The following MAPK10 variants were observed in gnomAD, a reference collection of about 807,000 sequenced individuals.
MAPK10 encodes the protein mitogen-activated protein kinase 10.
A neutral mutation model predicts 59.3 loss-of-function variants in MAPK10; 25 were observed. The ratio of observed to expected loss-of-function variants is 0.42; its 90% CI spans 0.31 to 0.59. The LOEUF is 0.59. MAPK10 is among the 20% of genes least tolerant of loss of function. The pLI, the probability that MAPK10 is intolerant of heterozygous loss-of-function variation, is 0.15. For missense variants in MAPK10, 351 were observed against 568.9 expected (o/e 0.62, Z 3.90); for synonymous variants, 190 against 200.5 (o/e 0.95, Z 0.44).
intron 2 of MAPK10, among the ~76,000 whole-genome samples, chr4:86,341,302 C>T (rs982851986): frequency 2.0e-5 from 3 of 152,128 alleles, no homozygotes; most frequent in Non-Finnish European, 2.9e-5. Context: ...GCACTCTAGA[C>T]CAAGGGCTTG....
At chr4:86,360,165 G>C, upstream of MAPK10, 1 of 986,060 alleles carries the variant, frequency 1.0e-6, no homozygotes, top group Non-Finnish European at 1.2e-6. Context: ...GGGGATGAGG[G>C]GGAAACAGAA....
chr4:86,203,954 G>A (rs556560365), intron 2 of MAPK10, among the ~76,000 whole-genome samples: 26 of 151,912 alleles, frequency 1.7e-4, no homozygotes, highest in African/African-American at 5.3e-4. Flanking sequence ...CTTAGAGCAC[G>A]AGGCAGCAAG....
In MAPK10 at chr4:86,414,264, T is replaced by C. The variant is rs183635327; in HGVS notation, c.-122+38766A>G. Among the ~76,000 whole-genome samples, 265 of 152,238 alleles carry C rather than the reference T, an allele frequency of 1.7e-3. 2 individuals carry two copies. The highest frequency in any genetic ancestry group is 4.6e-3 in the Admixed American group (71 of 15,288). ...CCCCTCATCCATGATATAACATCCA[T>C]GTGGTTCTAGAACAGCTGGCTTTAC... is the stretch of plus-strand genomic sequence containing the variant. On this transcript the variant is annotated intron_variant, in intron 1 of 13. Coordinates refer to the MAPK10 transcript ENST00000361569.
At chr4:86,373,207 T>G (rs1203964217) in intron 1 of MAPK10, among the ~76,000 whole-genome samples, 1 of 152,350 alleles carries the variant, frequency 6.6e-6, no homozygotes, top group Non-Finnish European at 1.5e-5. Context: ...GCTAGCCATA[T>G]GCAGAAAACT....
At chr4:86,579,573 C>T (rs2149111687) in intron 1 of MAPK10, among the ~76,000 whole-genome samples, 1 of 151,398 alleles carries the variant, frequency 6.6e-6, no homozygotes, top group East Asian at 1.9e-4. Context: ...TTCCCATATG[C>T]ACTCTTCTAT....
At chr4:86,573,969 T>C (rs1265118759) in intron 1 of MAPK10, among the ~76,000 whole-genome samples, 1 of 152,180 alleles carries the variant, frequency 6.6e-6, no homozygotes, top group African/African-American at 2.4e-5. Flanking sequence ...GTTAGTTACA[T>C]ATGTATACAG....
intron 3 of MAPK10, among the ~76,000 whole-genome samples, chr4:86,159,896 A>G (rs2149230202): frequency 6.7e-6 from 1 of 149,012 alleles, no homozygotes; most frequent in Middle Eastern, 3.4e-3. Flanking sequence ...GAACAGATAA[A>G]AAATTGTATC....
chr4:86,094,488 G>T (rs553120017), intron 9 of MAPK10, among the ~76,000 whole-genome samples: 56 of 151,988 alleles, frequency 3.7e-4, no homozygotes, highest in African/African-American at 1.3e-3. Flanking sequence ...TATTGGCCAA[G>T]AACTTAGATA....
intron 1 of MAPK10, among the ~76,000 whole-genome samples, chr4:86,504,266 G>T (rs1219466050): frequency 6.6e-6 from 1 of 152,060 alleles, no homozygotes; most frequent in African/African-American, 2.4e-5. Flanking sequence ...TTTCTTGAGT[G>T]AATGAATAAA....
At chr4:86,185,290 G>C (rs372098322) in intron 3 of MAPK10, among the ~76,000 whole-genome samples, 39 of 152,148 alleles carry the variant, frequency 2.6e-4, no homozygotes, top group African/African-American at 9.4e-4. Context: ...AAGGAAGTTG[G>C]GTATGCAGTC....
chr4:86,576,836 G>A (rs1259914024), intron 1 of MAPK10, among the ~76,000 whole-genome samples: 9 of 151,300 alleles, frequency 5.9e-5, no homozygotes, highest in Admixed American at 5.9e-4. Context: ...AACACTAGAC[G>A]AAGGTTTTAG....
intron 13 of MAPK10, among the ~76,000 whole-genome samples, chr4:86,018,660 C>CT (rs1292283689): frequency 4.6e-5 from 7 of 152,138 alleles, no homozygotes; most frequent in Non-Finnish European, 7.4e-5. Context: ...AATCCATTTA[C>CT]TTTTTTTCTT....
chr4:86,330,008 T>C (rs2096116731), intron 2 of MAPK10, among the ~76,000 whole-genome samples: 1 of 152,110 alleles, frequency 6.6e-6, no homozygotes, highest in Admixed American at 6.6e-5. Context: ...GAAAGTTCAG[T>C]TTGGTGGGCC....
intron 2 of MAPK10, chr4:86,326,356 A>C (rs143265542): frequency 6.6e-6 from 1 of 152,286 alleles, no homozygotes; most frequent in African/African-American, 2.4e-5. Flanking sequence ...GGTCTAATCT[A>C]TTCTAGAAAA....
chr4:86,070,646 G>GT (rs1264458031), intron 9 of MAPK10, among the ~76,000 whole-genome samples: 1 of 149,260 alleles, frequency 6.7e-6, no homozygotes, highest in Admixed American at 6.8e-5. Flanking sequence ...GCGGTGTTTG[G>GT]TTTTTTGTTC....
At chr4:86,071,854 A>T (rs1259234132) in intron 9 of MAPK10, among the ~76,000 whole-genome samples, 1 of 148,314 alleles carries the variant, frequency 6.7e-6, no homozygotes, top group African/African-American at 2.5e-5. Context: ...CTTTTGGCTT[A>T]GGATTGACTT....
intron 3 of MAPK10, among the ~76,000 whole-genome samples, chr4:86,183,316 T>A (rs2077359306): frequency 8.4e-6 from 1 of 118,614 alleles, no homozygotes; most frequent in African/African-American, 3.2e-5. Flanking sequence ...CAGTCCCCAG[T>A]GTGTGATGTT....
At chr4:86,548,600 T>G (rs1264577718) in intron 1 of MAPK10, among the ~76,000 whole-genome samples, 1 of 152,228 alleles carries the variant, frequency 6.6e-6, no homozygotes, top group African/African-American at 2.4e-5. Context: ...TAGGTTCCCC[T>G]TTGCCTTCCA....
chr4:86,019,685 T>A (rs897767223), intron 13 of MAPK10, among the ~76,000 whole-genome samples: 21 of 152,244 alleles, frequency 1.4e-4, no homozygotes, highest in African/African-American at 4.8e-4. Context: ...GTCACTATGA[T>A]GGACTCCTCA....
Sources: allele counts gnomAD v4.1 joint callset (sites outside exome capture counted in the v4.1 genomes callset), GRCh38; gene constraint gnomAD v4.1.1; transcripts MANE v1.5; gene names NCBI Gene and HGNC (gene_info 2026-07-23, HGNC 2026-07-21).